Variants in CBFA2T3 observed in about 807,000 individuals in gnomAD.
The protein encoded by CBFA2T3 is transcriptional corepressor CBFA2T3.
CBFA2T3 carries 31 observed loss-of-function variants against 58.6 expected under a neutral mutation model. The ratio of observed to expected loss-of-function variants is 0.53; its 90% CI spans 0.40 to 0.71. The LOEUF (loss-of-function observed/expected upper bound fraction) is 0.71, where lower values mean the gene tolerates loss of function less well. CBFA2T3 is among the 30% of genes least tolerant of loss of function. The probability of loss-of-function intolerance (pLI) is 0.00; values close to 1 mark genes in which losing one functional copy is unlikely to be tolerated. For missense variants in CBFA2T3, 1,076 were observed against 963.1 expected (o/e 1.12, Z -1.55); for synonymous variants, 531 against 421.9 (o/e 1.26, Z -3.17).
chr16:88,892,943 C>G (rs1031875661), intron 3 of CBFA2T3, among the ~76,000 whole-genome samples: 1 of 152,204 alleles, frequency 6.6e-6, no homozygotes, highest in Non-Finnish European at 1.5e-5. Flanking sequence ...GGCCCCTACG[C>G]CTGGCCTGGG....
At chr16:88,943,481 C>T (rs559482772) in intron 1 of CBFA2T3, among the ~76,000 whole-genome samples, 2 of 152,334 alleles carry the variant, frequency 1.3e-5, no homozygotes, top group South Asian at 2.1e-4. Flanking sequence ...GCACCTGCCC[C>T]ACCGCAGCCC....
chr16:88,923,384 A>G (rs1970983157), intron 1 of CBFA2T3, among the ~76,000 whole-genome samples: 1 of 152,052 alleles, frequency 6.6e-6, no homozygotes, highest in African/African-American at 2.4e-5. Context: ...AGTTGCCTTG[A>G]GGTTTCCTGA....
intron 9 of CBFA2T3, 153 bp from the exon 10 acceptor site, chr16:88,880,941 G>C: frequency 5.5e-6 from 4 of 729,318 alleles, no homozygotes; most frequent in Non-Finnish European, 9.3e-6. Flanking sequence ...GTCTGGCTCA[G>C]GCACCCAGGG....
chr16:88,976,234 C>T (rs1221170567), intron 1 of CBFA2T3, among the ~76,000 whole-genome samples: 2 of 152,224 alleles, frequency 1.3e-5, no homozygotes, highest in African/African-American at 4.8e-5. Context: ...GCCCTCCCCT[C>T]TGGCCTCAGT....
chr16:88,880,202 C>T (rs889422553), intron 10 of CBFA2T3, among the ~76,000 whole-genome samples: 8 of 152,216 alleles, frequency 5.3e-5, no homozygotes, highest in Admixed American at 3.9e-4. Flanking sequence ...CTGAGGCCAG[C>T]TGGAGACCCC....
At chr16:88,922,496 G>A (rs1378513618) in intron 1 of CBFA2T3, among the ~76,000 whole-genome samples, 1 of 152,246 alleles carries the variant, frequency 6.6e-6, no homozygotes, top group Non-Finnish European at 1.5e-5. Context: ...GCCCTTTGCA[G>A]CACAGAGGAG....
chr16:88,887,783 C>G (rs1000697359), intron 5 of CBFA2T3, among the ~76,000 whole-genome samples: 17 of 152,258 alleles, frequency 1.1e-4, no homozygotes, highest in Middle Eastern at 3.4e-3. Context: ...TCAAAATGCC[C>G]CAACTCCACC....
chr16:88,949,876 G>A (rs1039751170), intron 1 of CBFA2T3, among the ~76,000 whole-genome samples: 2 of 151,962 alleles, frequency 1.3e-5, no homozygotes, highest in South Asian at 2.1e-4. Context: ...TGGGCGTGGT[G>A]GTGGGTGCCT....
chr16:88,951,576 C>T (rs1972074197), intron 1 of CBFA2T3: 1 of 364,690 alleles, frequency 2.7e-6, no homozygotes, highest in African/African-American at 2.1e-5. Context: ...ATTCCCTCCC[C>T]TCGGGTCTGT....
At chr16:88,934,977 T>C (rs1018285448) in intron 1 of CBFA2T3, among the ~76,000 whole-genome samples, 1 of 152,142 alleles carries the variant, frequency 6.6e-6, no homozygotes, top group Admixed American at 6.5e-5. Flanking sequence ...CCTGACCTCG[T>C]GATCCACCCG....
intron 1 of CBFA2T3, among the ~76,000 whole-genome samples, chr16:88,973,607 C>T (rs939756373): frequency 1.3e-5 from 2 of 151,046 alleles, no homozygotes; most frequent in African/African-American, 2.4e-5. Flanking sequence ...CATTCCAAAC[C>T]CAGAACATTC....
rs576934029 is a variant in CBFA2T3, at chr16:88,932,791, C to CAAA, written c.152-31138_152-31136dup. Reference sequence around the variant, plus strand: ...GGCAAACCCGTCTCTACTAAAAATACAAAAAAAAAAAAAAAAAAAAAAAAA... The same window carrying CAAA: ...GGCAAACCCGTCTCTACTAAAAATACAAAAAAAAAAAAAAAAAAAAAAAAAAAA... On this transcript the variant is annotated intron_variant, in intron 1 of 11. Coordinates refer to ENST00000268679, the MANE Select transcript of CBFA2T3 (RefSeq NM_005187.6). Among the ~76,000 whole-genome samples, 203 of 27,866 alleles carry CAAA rather than the reference C, an allele frequency of 7.3e-3. 11 individuals are homozygous for CAAA. Among genetic ancestry groups the CAAA allele is most frequent in the East Asian group, 0.016 (10 of 626 alleles). 18.3% of individuals were successfully genotyped at this position (27,866 alleles called of 152,430 possible).
At chr16:88,939,842 C>G (rs1971646688) in intron 1 of CBFA2T3, 1 of 152,366 alleles carries the variant, frequency 6.6e-6, no homozygotes, top group Non-Finnish European at 1.5e-5. Flanking sequence ...AGCCCTCGCC[C>G]CTTCAGGTCT....
chr16:88,892,635 G>A (rs1263009858), intron 3 of CBFA2T3, 150 bp from the exon 4 acceptor site: 8 of 956,316 alleles, frequency 8.4e-6, no homozygotes, highest in African/African-American at 8.0e-5. Flanking sequence ...CGCTGAGGAT[G>A]ACAGCAGGAG....
At chr16:88,924,958 C>G (rs1399294771) in intron 1 of CBFA2T3, among the ~76,000 whole-genome samples, 3 of 152,234 alleles carry the variant, frequency 2.0e-5, no homozygotes, top group Non-Finnish European at 2.9e-5. Context: ...ACAGTGAAAA[C>G]TGAGGGACGG....
At chr16:88,890,392 C>T (rs1211182069) in intron 5 of CBFA2T3, among the ~76,000 whole-genome samples, 1 of 152,214 alleles carries the variant, frequency 6.6e-6, no homozygotes, top group African/African-American at 2.4e-5. Context: ...CTCTGGACCC[C>T]CGAGGGGAGG....
intron 1 of CBFA2T3, chr16:88,940,049 C>A (rs545317234): frequency 4.7e-4 from 71 of 152,670 alleles, no homozygotes; most frequent in African/African-American, 1.7e-3. Flanking sequence ...ACAGAAGCCG[C>A]ACCCTGGCTG....
rs960588112 is a variant in CBFA2T3 at position 88,976,709 on chromosome 16, G to A, written c.99C>T (p.Leu33=). The A allele has an allele frequency of 1.9e-6, 3 of 1,559,748 alleles. No homozygotes were observed. Among genetic ancestry groups the A allele is most frequent in the African/African-American group, 2.7e-5 (2 of 73,590 alleles). ...SQTHPVLESG[L]LASAGCSAPR... is the part of the protein sequence containing the mutation. ...GTGCGGAGCAGCCGGCAGATGCCAGGAGGCCGCTCTCCAGCACAGGGTGCG... is the reference window on the plus strand; with the variant it reads ...GTGCGGAGCAGCCGGCAGATGCCAGAAGGCCGCTCTCCAGCACAGGGTGCG... Residue 33 remains leucine, a synonymous_variant, in exon 1 of 12, where the codon CTC becomes CTT. Coordinates refer to ENST00000268679, the MANE Select transcript of CBFA2T3 (RefSeq NM_005187.6).
chr16:88,954,045 G>A (rs561149741), intron 1 of CBFA2T3, among the ~76,000 whole-genome samples: 1 of 152,232 alleles, frequency 6.6e-6, no homozygotes, highest in African/African-American at 2.4e-5. Context: ...TCATGCCTGG[G>A]TGTGGTCATG....
Sources: gnomAD v4.1 joint callset for allele counts (sites outside exome capture counted in the v4.1 genomes callset) on GRCh38, gnomAD v4.1.1 for gene constraint, MANE v1.5 for transcripts, NCBI Gene and HGNC (gene_info 2026-07-23, HGNC 2026-07-21) for gene names.